ELFN1: variants seen among roughly 807,000 people sequenced by gnomAD.
ELFN1 encodes the protein extracellular leucine rich repeat and fibronectin type III domain containing 1.
In ELFN1, 6 loss-of-function variants were observed where a neutral mutation model predicts 7.6. That is an observed-to-expected ratio of 0.79 (90% CI 0.43 to 1.56). ELFN1 has a LOEUF of 1.56. ELFN1 is among the 40% of genes most tolerant of loss of function. ELFN1 has a pLI of 0.01. For synonymous variants in ELFN1, 657 were observed against 588.1 expected (o/e 1.12, Z -1.70); for missense variants, 1,169 against 1,232.2 (o/e 0.95, Z 0.77).
At chr7:1,686,338 G>A (rs1420185461) in intron 1 of ELFN1, among the ~76,000 whole-genome samples, 1 of 145,964 alleles carries the variant, frequency 6.9e-6, no homozygotes. Flanking sequence ...TTTGAGATGG[G>A]ATCTCACTCT....
chr7:1,694,631 G>A (rs1443564618), intron 2 of ELFN1, among the ~76,000 whole-genome samples: 1 of 152,212 alleles, frequency 6.6e-6, no homozygotes, highest in Non-Finnish European at 1.5e-5. Context: ...CCTTGAAGGA[G>A]TCAGCTCCCC....
chr7:1,680,887 G>C (rs1221995372), intron 1 of ELFN1, among the ~76,000 whole-genome samples: 2 of 151,662 alleles, frequency 1.3e-5, no homozygotes, highest in Non-Finnish European at 1.5e-5. Flanking sequence ...GATTACAGGC[G>C]CCCACCACCA....
rs573147577 is a variant in ELFN1 at position 1,706,071 on chromosome 7, G to A, written c.-455-3020G>A. 2.0e-5 allele frequency among the ~76,000 whole-genome samples: 3 copies of A among 152,282 alleles called. No homozygotes were observed. In the East Asian group the frequency reaches 5.8e-4, roughly 29 times the overall value. On this transcript the variant is annotated intron_variant, in intron 2 of 3. Transcript: ENST00000424383. ...TGAGCTGCCAGCCTAGCCTCCCTCT[G>A]GGTTCCTCCTCCGATCCACCGCGGA...
chr7:1,681,743 C>T (rs1045592242), intron 1 of ELFN1, among the ~76,000 whole-genome samples: 4 of 152,206 alleles, frequency 2.6e-5, no homozygotes, highest in East Asian at 1.9e-4. Context: ...CCAGCCCCTG[C>T]GTGTCTCTCA....
chr7:1,666,718 T>C (rs1778676685), upstream of ELFN1, among the ~76,000 whole-genome samples: 1 of 151,100 alleles, frequency 6.6e-6, no homozygotes, highest in Non-Finnish European at 1.5e-5. This position sits in a 1 kb window ranked among gnomAD's most constrained non-coding sequence, Gnocchi z 7.9. Flanking sequence ...GAACCCCTCT[T>C]CATCTGAAAC....
chr7:1,681,391 C>T (rs1778973049), intron 1 of ELFN1, among the ~76,000 whole-genome samples: 1 of 152,090 alleles, frequency 6.6e-6, no homozygotes, highest in South Asian at 2.1e-4. Flanking sequence ...GAGATGGAGT[C>T]TCACTCTGTC....
intron 3 of ELFN1, among the ~76,000 whole-genome samples, chr7:1,737,508 C>T (rs1026027224): frequency 6.6e-6 from 1 of 152,204 alleles, no homozygotes; most frequent in African/African-American, 2.4e-5. Flanking sequence ...CGAAGCCACT[C>T]GCCCTCCACC....
At chr7:1,706,972 A>C (rs1203279318) in intron 2 of ELFN1, among the ~76,000 whole-genome samples, 1 of 152,032 alleles carries the variant, frequency 6.6e-6, no homozygotes, top group Non-Finnish European at 1.5e-5. Flanking sequence ...CTGTGTGCGC[A>C]TGCATGAGTT....
At chr7:1,674,990 A>G (rs1213999803) in intron 1 of ELFN1, among the ~76,000 whole-genome samples, 1 of 119,280 alleles carries the variant, frequency 8.4e-6, no homozygotes, top group African/African-American at 3.9e-5. Context: ...GCTTGCAGGC[A>G]GTGGTATCTG....
At chr7:1,743,713 G>T (rs1780694249) in intron 3 of ELFN1, among the ~76,000 whole-genome samples, 3 of 152,202 alleles carry the variant, frequency 2.0e-5, no homozygotes, top group Admixed American at 2.0e-4. Flanking sequence ...CTGTGTTGAG[G>T]GCTGCGGACC....
chr7:1,733,922 T>C (rs980721655), intron 3 of ELFN1, among the ~76,000 whole-genome samples: 3 of 152,152 alleles, frequency 2.0e-5, no homozygotes, highest in African/African-American at 7.2e-5. Flanking sequence ...GGTCCTGTTC[T>C]ACCACTAGGC....
chr7:1,684,311 A>G lies in ELFN1; in HGVS notation c.-548-3747A>G, dbSNP rs552690193. ...GAACTAAAATGTACCCCTTCTAGAC[A>G]GTATATATTTGGGTTGTTTCCACAC... On this transcript the variant is annotated intron_variant, in intron 1 of 3. Transcript: ENST00000424383. Among the ~76,000 whole-genome samples, 16 of 152,274 alleles carry G rather than the reference A, an allele frequency of 1.1e-4. No individual in the cohort carries two copies. The South Asian group carries it at 2.7e-3, about 26-fold the overall frequency.
chr7:1,671,643 C>A (rs1027948815), intron 1 of ELFN1, among the ~76,000 whole-genome samples: 1 of 152,262 alleles, frequency 6.6e-6, no homozygotes, highest in Non-Finnish European at 1.5e-5. Flanking sequence ...GGGGGAAACC[C>A]CATTGGGTTG....
At chr7:1,730,443 A>G (rs1400867648) in intron 3 of ELFN1, among the ~76,000 whole-genome samples, 1 of 152,224 alleles carries the variant, frequency 6.6e-6, no homozygotes, top group Non-Finnish European at 1.5e-5. Flanking sequence ...AAAGACACTC[A>G]AGGAAATCCA....
At chr7:1,713,146 G>A (rs943898171) in intron 3 of ELFN1, among the ~76,000 whole-genome samples, 1 of 152,204 alleles carries the variant, frequency 6.6e-6, no homozygotes, top group African/African-American at 2.4e-5. Flanking sequence ...CATAGCCTCC[G>A]GAGTCCTCGC....
At chr7:1,710,712 C>T (rs530999032) in intron 3 of ELFN1, among the ~76,000 whole-genome samples, 32 of 152,360 alleles carry the variant, frequency 2.1e-4, no homozygotes, top group Admixed American at 1.7e-3. Flanking sequence ...CTCTTTCCTT[C>T]CCACAAAGGC....
chr7:1,687,952 G>C (rs1327163395), intron 1 of ELFN1, among the ~76,000 whole-genome samples, 106 bp from the exon 2 acceptor site: 1 of 151,100 alleles, frequency 6.6e-6, no homozygotes, highest in African/African-American at 2.4e-5. Context: ...ACTGGTGTCA[G>C]ACTTCCTGCT....
intron 3 of ELFN1, among the ~76,000 whole-genome samples, chr7:1,709,770 T>G (rs1161222130): frequency 6.6e-6 from 1 of 152,266 alleles, no homozygotes; most frequent in Non-Finnish European, 1.5e-5. Flanking sequence ...CCTAGGTGAA[T>G]AGGCAGGTGG....
In ELFN1 at chr7:1,670,595, G is replaced by T. The variant is rs1396640758; in HGVS notation, c.-549+241G>T. On this transcript the variant is annotated intron_variant, in intron 1 of 3. Coordinates refer to ENST00000424383, the MANE Select transcript of ELFN1 (RefSeq NM_001128636.4). The surrounding 1 kb of genome is among the most constrained non-coding windows in gnomAD (Gnocchi z 6.4). ...AGGCTCAGCCCGACAAAGCCCGGGG[G>T]CCCGGGTCGGGGTCGCTGCCGCAGC... is the stretch of plus-strand genomic sequence containing the variant. 6.6e-6 allele frequency among the ~76,000 whole-genome samples: 1 copy of T among 152,232 alleles called. No homozygotes were observed. The highest frequency in any genetic ancestry group is 1.9e-4 in the East Asian group (1 of 5,150).
Sources: allele counts gnomAD v4.1 joint callset (sites outside exome capture counted in the v4.1 genomes callset), GRCh38; gene constraint gnomAD v4.1.1; non-coding constraint Gnocchi (gnomAD v3.1); transcripts MANE v1.5; gene names NCBI Gene and HGNC (gene_info 2026-07-23, HGNC 2026-07-21).